Variants in HMGCLL1 observed in about 807,000 individuals in gnomAD.
HMGCLL1 encodes the protein 3-hydroxy-3-methylglutaryl-CoA lyase like 1, also known as 3-hydroxymethyl-3-methylglutaryl-CoA lyase, cytoplasmic.
HMGCLL1 carries 36 observed loss-of-function variants against 39.1 expected under a neutral mutation model. The ratio of observed to expected loss-of-function variants is 0.92; its 90% CI spans 0.71 to 1.22. The LOEUF is 1.22. Ranked by LOEUF, HMGCLL1 falls within the 50% of genes most tolerant of loss-of-function variation. The pLI is 0.00. For missense variants in HMGCLL1, 451 were observed against 416.5 expected, an observed-to-expected ratio of 1.08 and a Z score of -0.72; for synonymous variants, 149 against 144.0, an observed-to-expected ratio of 1.03 and a Z score of -0.25.
chr6:55,535,267 G>T (rs1158157861), intron 3 of HMGCLL1, among the ~76,000 whole-genome samples: 1 of 152,158 alleles, frequency 6.6e-6, no homozygotes, highest in Admixed American at 6.5e-5. Context: ...AACAGAAAAT[G>T]AACCATGACA....
At chr6:55,620,849 A>G in the HMGCLL1 span, among the ~76,000 whole-genome samples, 3 of 152,172 alleles carry the variant, frequency 2.0e-5, no homozygotes, top group Non-Finnish European at 4.4e-5. Context: ...ATGGTTGTCC[A>G]GCTTTCCCAG....
Position 55,435,585 on chromosome 6 carries a change from G to T in HMGCLL1, c.*77C>A. On this transcript the variant is annotated 3_prime_UTR_variant, in exon 9 of 9. Coordinates refer to ENST00000274901, the MANE Select transcript of HMGCLL1 (RefSeq NM_001042406.2). ...TCCATTACTTCACATATCAGAGCAA[G>T]TTGGCATTAATGATTTTCAGATGAG... 1.4e-6 allele frequency: 1 copy of T among 710,560 alleles called. No homozygotes were observed. The allele number at this position is 710,560 out of a possible 1,614,324, so 44.0% of individuals were successfully genotyped here.
At chr6:55,511,834 C>G (rs570295526) in intron 5 of HMGCLL1, among the ~76,000 whole-genome samples, 1 of 152,192 alleles carries the variant, frequency 6.6e-6, no homozygotes, top group East Asian at 1.9e-4. Context: ...TACTGAAAGG[C>G]ATATTTCTGA....
the HMGCLL1 span, among the ~76,000 whole-genome samples, chr6:55,650,080 C>CATAT: frequency 6.4e-5 from 4 of 62,030 alleles, 1 homozygote; most frequent in Non-Finnish European, 9.9e-5. Flanking sequence ...TATATATACA[C>CATAT]ACACATATAC....
the HMGCLL1 span, among the ~76,000 whole-genome samples, chr6:55,587,942 C>T: frequency 2.0e-5 from 3 of 152,122 alleles, no homozygotes; most frequent in Non-Finnish European, 4.4e-5. Flanking sequence ...TAGACTCCCA[C>T]ACAATAATAA....
intron 7 of HMGCLL1, among the ~76,000 whole-genome samples, chr6:55,488,621 G>T (rs1282485988): frequency 6.6e-6 from 1 of 151,988 alleles, no homozygotes; most frequent in Admixed American, 6.6e-5. Flanking sequence ...ATTGAAGAGA[G>T]ATTTTAAGTA....
intron 3 of HMGCLL1, among the ~76,000 whole-genome samples, chr6:55,534,386 G>A (rs1422606296): frequency 6.6e-6 from 1 of 152,082 alleles, no homozygotes. Context: ...GGTGGGCTTT[G>A]TAACTGACTC....
chr6:55,447,310 C>T (rs897834684), intron 7 of HMGCLL1, among the ~76,000 whole-genome samples: 1 of 151,858 alleles, frequency 6.6e-6, no homozygotes, highest in Non-Finnish European at 1.5e-5. Flanking sequence ...AGTTAGCCTA[C>T]ATGAATAATG....
intron 7 of HMGCLL1, among the ~76,000 whole-genome samples, chr6:55,477,518 T>TTACATA (rs1326202468): frequency 2.4e-5 from 2 of 82,166 alleles, no homozygotes; most frequent in Non-Finnish European, 4.8e-5. Context: ...ATATATGTAA[T>TTACATA]TACATATATA....
At chr6:55,512,053 A>G (rs2127434945) in intron 5 of HMGCLL1, 2 of 152,244 alleles carry the variant, frequency 1.3e-5, no homozygotes, top group South Asian at 4.1e-4. Flanking sequence ...ATGAGGCAAT[A>G]TTATTTGTCA....
At chr6:55,458,269 C>G (rs889484835) in intron 7 of HMGCLL1, among the ~76,000 whole-genome samples, 1 of 152,002 alleles carries the variant, frequency 6.6e-6, no homozygotes, top group African/African-American at 2.4e-5. Flanking sequence ...GCCACGTATA[C>G]AGTAGTAGAA....
the HMGCLL1 span, among the ~76,000 whole-genome samples, chr6:55,643,179 A>G: frequency 1.3e-5 from 2 of 152,046 alleles, no homozygotes; most frequent in Non-Finnish European, 2.9e-5. Context: ...GCTGGGGTGA[A>G]TGGTAATACT....
chr6:55,595,887 C>T, the HMGCLL1 span, among the ~76,000 whole-genome samples: 1 of 152,192 alleles, frequency 6.6e-6, no homozygotes, highest in African/African-American at 2.4e-5. Flanking sequence ...ATAACATTTA[C>T]TCTTCAGTGG....
chr6:55,513,776 A>G, intron 5 of HMGCLL1: 1 of 457,452 alleles, frequency 2.2e-6, no homozygotes, highest in Non-Finnish European at 3.8e-6. Context: ...TTTGGGTGCT[A>G]GAGTGTTAAT....
the HMGCLL1 span, among the ~76,000 whole-genome samples, chr6:55,627,921 A>AGTATATATACT: frequency 0.015 from 31 of 2,112 alleles, 3 homozygotes; most frequent in Middle Eastern, 0.17. Context: ...ATATATATAT[A>AGTATATATACT]ATATATATAC....
the HMGCLL1 span, among the ~76,000 whole-genome samples, chr6:55,640,861 C>T: frequency 2.6e-5 from 4 of 151,750 alleles, no homozygotes; most frequent in Non-Finnish European, 5.9e-5. Flanking sequence ...TCCAAACCCA[C>T]GATTGACTTA....
In HMGCLL1 at chr6:55,495,489, G is replaced by A. The variant is rs767383363; in HGVS notation, c.725C>T (p.Pro242Leu). 2.5e-6 allele frequency: 4 copies of A among 1,613,942 alleles called. No individual in the cohort carries two copies. In the Admixed American group the frequency reaches 6.7e-5, roughly 27 times the overall value. The change falls in exon 7 of 9, where the codon CCA becomes CTA. Residue 242 changes from proline (P) to leucine (L), a missense_variant. Coordinates refer to ENST00000274901, the MANE Select transcript of HMGCLL1 (RefSeq NM_001042406.2). ...ATGACAGTGAACAGCAAGAGCACCT[G>A]GTGGGATTTCTTTCATCACACTTTC... Reference protein sequence around the residue: ...MLESVMKEIPPGALAVHCHDT... With the variant: ...MLESVMKEIPLGALAVHCHDT...
intron 8 of HMGCLL1, among the ~76,000 whole-genome samples, 168 bp downstream of exon 8, chr6:55,439,266 T>C (rs540611977): frequency 6.6e-6 from 1 of 152,232 alleles, no homozygotes; most frequent in East Asian, 1.9e-4. Context: ...TGAGTTACTT[T>C]ATAAAGACCC....
chr6:55,543,096 AT>A (rs1769578651), intron 1 of HMGCLL1, among the ~76,000 whole-genome samples: 1 of 28,764 alleles, frequency 3.5e-5, no homozygotes, highest in Non-Finnish European at 6.2e-5. Context: ...TATATATAAT[AT>A]AATATATGAT....
Sources: gnomAD v4.1 joint callset for allele counts (sites outside exome capture counted in the v4.1 genomes callset) on GRCh38, gnomAD v4.1.1 for gene constraint, MANE v1.5 for transcripts, NCBI Gene and HGNC (gene_info 2026-07-23, HGNC 2026-07-21) for gene names.